Variants in GLI2 observed in about 807,000 individuals in gnomAD.
The protein encoded by GLI2 is transcription activator GLI2.
A neutral mutation model predicts 78.9 loss-of-function variants in GLI2; 22 were observed. That is an observed-to-expected ratio of 0.28 (90% CI 0.20 to 0.40). The LOEUF is 0.40. Among genes scored for constraint, GLI2 ranks in the 10% least tolerant of loss-of-function variants. The pLI is 1.00. For synonymous variants in GLI2, 974 were observed against 963.7 expected, an observed-to-expected ratio of 1.01 and a Z score of -0.20; for missense variants, 2,097 against 2,213.2, an observed-to-expected ratio of 0.95 and a Z score of 1.05.
intron 2 of GLI2, among the ~76,000 whole-genome samples, chr2:120,893,953 T>G (rs1040162000): frequency 2.0e-5 from 3 of 152,136 alleles, no homozygotes; most frequent in African/African-American, 7.2e-5. Flanking sequence ...GACAGCAGCG[T>G]GATTTAAGGG....
At chr2:120,984,229 G>C (rs1167443290) in intron 11 of GLI2, among the ~76,000 whole-genome samples, 1 of 152,140 alleles carries the variant, frequency 6.6e-6, no homozygotes, top group Admixed American at 6.5e-5. Context: ...GCTTCTTGTG[G>C]CAGGACCCCC....
chr2:120,976,107 T>G (rs150530597), intron 9 of GLI2, among the ~76,000 whole-genome samples: 3 of 152,278 alleles, frequency 2.0e-5, no homozygotes, highest in African/African-American at 7.2e-5. Flanking sequence ...TGCTCCTTGG[T>G]GAGTGAGTGT....
chr2:120,874,730 G>A (rs1688647187), intron 2 of GLI2, among the ~76,000 whole-genome samples: 1 of 152,248 alleles, frequency 6.6e-6, no homozygotes, highest in South Asian at 2.1e-4. Flanking sequence ...CGCCTCGGCA[G>A]CATGCTGACT....
intron 2 of GLI2, among the ~76,000 whole-genome samples, chr2:120,923,200 T>C (rs182984811): frequency 0.054 from 8,040 of 149,578 alleles, 664 homozygotes; most frequent in African/African-American, 0.18. Flanking sequence ...GCAACACTTA[T>C]ACACATACAG....
chr2:120,859,990 T>C (rs1687833767), intron 2 of GLI2, among the ~76,000 whole-genome samples: 2 of 152,168 alleles, frequency 1.3e-5, no homozygotes, highest in Admixed American at 6.5e-5. Context: ...TTATACAGAC[T>C]TTCTAGAACA....
chr2:120,806,050 C>T (rs1425331662), intron 2 of GLI2, among the ~76,000 whole-genome samples: 2 of 152,202 alleles, frequency 1.3e-5, no homozygotes, highest in Non-Finnish European at 2.9e-5. Flanking sequence ...ATTTACAACT[C>T]AGTATGCGCC....
chr2:120,748,100 CG>C (rs1160447893), intron 1 of GLI2, among the ~76,000 whole-genome samples: 2 of 152,182 alleles, frequency 1.3e-5, no homozygotes. Flanking sequence ...TTGCCTAGGA[CG>C]GAGCCTACTT....
chr2:120,769,777 G>T (rs967618823), intron 1 of GLI2, among the ~76,000 whole-genome samples: 2 of 152,320 alleles, frequency 1.3e-5, no homozygotes, highest in Middle Eastern at 3.4e-3. Flanking sequence ...GAGTGTGCAT[G>T]TGTTTGGGAG....
intron 2 of GLI2, among the ~76,000 whole-genome samples, chr2:120,918,832 C>T (rs190279288): frequency 6.6e-5 from 10 of 152,328 alleles, no homozygotes; most frequent in Non-Finnish European, 8.8e-5. Context: ...TACTTGCTAG[C>T]GAATGACAGA....
chr2:120,821,950 C>T (rs979393830), intron 2 of GLI2, among the ~76,000 whole-genome samples: 7 of 152,278 alleles, frequency 4.6e-5, no homozygotes, highest in African/African-American at 1.2e-4. Context: ...CCACGGGGGC[C>T]GGGAGAAAGT....
chr2:120,968,903 C>G lies in GLI2; in HGVS notation c.833C>G (p.Ala278Gly). The change falls in exon 6 of 14, where the codon GCG becomes GGG. Residue 278 changes from alanine to glycine, a missense_variant. Ala to Gly is a moderately conservative substitution (Grantham distance 60). Transcript: ENST00000361492. Reference sequence around the variant, plus strand: ...AGCGGTTCCTACGGGCATCTGTCAGCGGGTGCCCTCAGGTGAGCCCCGCCT... The same window carrying G: ...AGCGGTTCCTACGGGCATCTGTCAGGGGGTGCCCTCAGGTGAGCCCCGCCT... ...AASGSYGHLS[A>G]GALSPAFTFP... is the part of the protein sequence containing the mutation. 6.2e-7 allele frequency: 1 copy of G among 1,611,354 alleles called. No homozygotes were observed. Among genetic ancestry groups the G allele is most frequent in the Non-Finnish European group, 8.5e-7 (1 of 1,179,418 alleles).
intron 2 of GLI2, among the ~76,000 whole-genome samples, chr2:120,898,422 G>A (rs1678086230): frequency 2.6e-5 from 4 of 152,222 alleles, no homozygotes; most frequent in Non-Finnish European, 1.5e-5. Context: ...AGCGAGGGCT[G>A]CCTCACTTGG....
intron 8 of GLI2, among the ~76,000 whole-genome samples, chr2:120,973,758 A>G (rs1682311638): frequency 6.6e-6 from 1 of 152,208 alleles, no homozygotes; most frequent in Non-Finnish European, 1.5e-5. Context: ...CCTGTTGGGA[A>G]CAAGTGGATT....
chr2:120,859,471 T>C (rs1687807383), intron 2 of GLI2, among the ~76,000 whole-genome samples: 1 of 125,694 alleles, frequency 8.0e-6, no homozygotes, highest in Admixed American at 8.7e-5. Context: ...TTTTTTTTTT[T>C]TTTTGACAGA....
chr2:120,951,666 G>A (rs1478241321), intron 4 of GLI2: 1 of 544,440 alleles, frequency 1.8e-6, no homozygotes, highest in African/African-American at 1.9e-5. Context: ...AACCATATAT[G>A]ATCTATTGTA....
intron 9 of GLI2, among the ~76,000 whole-genome samples, chr2:120,975,662 C>T (rs920432192): frequency 4.6e-5 from 7 of 152,192 alleles, no homozygotes; most frequent in Admixed American, 6.5e-5. Flanking sequence ...TGAGTACTGA[C>T]AGCTCAGGTG....
intron 2 of GLI2, among the ~76,000 whole-genome samples, chr2:120,847,081 G>A (rs766980313): frequency 2.6e-5 from 4 of 151,856 alleles, no homozygotes; most frequent in East Asian, 1.9e-4. Flanking sequence ...GGGGCTCTGC[G>A]TCTGAAACAA....
chr2:120,778,442 G>T (rs548318993), intron 1 of GLI2, among the ~76,000 whole-genome samples: 2 of 152,312 alleles, frequency 1.3e-5, no homozygotes, highest in South Asian at 4.2e-4. Flanking sequence ...AAACAATTAG[G>T]GGGCACGGTG....
At chr2:120,885,344 A>C (rs1677345606) in intron 2 of GLI2, among the ~76,000 whole-genome samples, 1 of 152,198 alleles carries the variant, frequency 6.6e-6, no homozygotes, top group African/African-American at 2.4e-5. Flanking sequence ...TGCCAAGCTC[A>C]CTGGGCTTTG....
Sources: allele counts gnomAD v4.1 joint callset (sites outside exome capture counted in the v4.1 genomes callset), GRCh38; gene constraint gnomAD v4.1.1; transcripts MANE v1.5; gene names NCBI Gene and HGNC (gene_info 2026-07-23, HGNC 2026-07-21).